CAMTA2: variants seen among roughly 807,000 people sequenced by gnomAD.
The protein encoded by CAMTA2 is calmodulin-binding transcription activator 2.
Under a neutral mutation model 135.7 loss-of-function variants are expected in CAMTA2, and 56 were observed. That is an observed-to-expected ratio of 0.41 (90% CI 0.33 to 0.52). The LOEUF (loss-of-function observed/expected upper bound fraction) is 0.52, where lower values mean the gene tolerates loss of function less well. Ranked by LOEUF, CAMTA2 falls within the 20% of genes least tolerant of loss-of-function variation. The probability of loss-of-function intolerance (pLI) is 0.16; values close to 1 mark genes in which losing one functional copy is unlikely to be tolerated. For synonymous variants in CAMTA2, 591 were observed against 604.6 expected, an observed-to-expected ratio of 0.98 and a Z score of 0.33; for missense variants, 1,358 against 1,553.4, an observed-to-expected ratio of 0.87 and a Z score of 2.11.
At position 4,982,176 on chromosome 17, in the gene CAMTA2, CTGGGG is replaced by C; in HGVS notation, c.340-21_340-17del. 1.3e-6 allele frequency: 2 copies of C among 1,525,214 alleles called. No individual in the cohort carries two copies. Among genetic ancestry groups the C allele is most frequent in the Non-Finnish European group, 1.8e-6 (2 of 1,106,168 alleles). The allele number at this position is 1,525,214 out of a possible 1,614,324, so 94.5% of individuals were successfully genotyped here. A position where few individuals can be genotyped will look rare whatever the true frequency, so the allele number is the denominator to read the frequency against. ...CATAGAGACACTGCCAGGAGACAGG[CTGGGG>C]TGGGGGGAGGGCTAGTCTGCTCCCC... is the stretch of plus-strand genomic sequence containing the variant. On this transcript the variant is annotated splice_polypyrimidine_tract_variant and intron_variant, in intron 5 of 22. Transcript: ENST00000348066.
intron 1 of CAMTA2, 135 bp downstream of exon 1, chr17:4,987,458 G>C (rs1176393187): frequency 6.5e-6 from 9 of 1,386,776 alleles, no homozygotes; most frequent in Non-Finnish European, 8.4e-6. Context: ...CGGGGGAGGA[G>C]GACGGAAGCG....
rs779176282 is a variant in CAMTA2 at position 4,970,567 on chromosome 17, T to G, written c.2809-31A>C. 1.9e-6 allele frequency: 3 copies of G among 1,591,164 alleles called. No individual in the cohort carries two copies. In the East Asian group the frequency reaches 6.7e-5, roughly 36 times the overall value. On this transcript the variant is annotated intron_variant, in intron 16 of 22. Coordinates refer to ENST00000348066, the MANE Select transcript of CAMTA2 (RefSeq NM_015099.4). ...AGAAGGGAGAAGCTGAGTGAGTCCT[T>G]AGGGGCCCCAGCTGCCAGCTGTAAC...
chr17:4,981,780 A>C lies in CAMTA2; in HGVS notation c.463T>G (p.Cys155Gly). ...AAGATGGGGCTGCAGCCCTTTCCACAGTCCTCCAGGGCTGGGACGTTCAGG... is the reference window on the plus strand; with the variant it reads ...AAGATGGGGCTGCAGCCCTTTCCACCGTCCTCCAGGGCTGGGACGTTCAGG... Reference protein sequence around the residue: ...HYLNVPALEDCGKGCSPIFCS... With the variant: ...HYLNVPALEDGGKGCSPIFCS... The change falls in exon 7 of 23, where the codon TGT becomes GGT. Residue 155 changes from cysteine to glycine, a missense_variant. Coordinates refer to ENST00000348066, the MANE Select transcript of CAMTA2 (RefSeq NM_015099.4). 1 of 1,613,340 alleles carries C rather than the reference A, an allele frequency of 6.2e-7. No individual in the cohort carries two copies. The highest frequency in any genetic ancestry group is 1.1e-5 in the South Asian group (1 of 91,006).
intron 10 of CAMTA2, 21 bp from the exon 11 acceptor site, chr17:4,977,213 G>A (rs1042061856): frequency 5.6e-6 from 9 of 1,609,310 alleles, no homozygotes; most frequent in South Asian, 5.5e-5. Context: ...TAGGATCAGC[G>A]AGAAGGGCTC....
Position 4,969,193 on chromosome 17 carries a change from C to A in CAMTA2, c.3427G>T (p.Gly1143Cys). The change falls in exon 21 of 23, where the codon GGC becomes TGC. Residue 1143 changes from glycine (G) to cysteine (C), a missense_variant. Physicochemically the swap from Gly to Cys is radical, Grantham distance 159. Around this residue, in one of 4 missense-constraint regions of CAMTA2, gnomAD observed 167 missense variants for 207.0 expected, o/e 0.81. Transcript: ENST00000348066. The surrounding 1 kb of genome is among the most constrained non-coding windows in gnomAD (Gnocchi z 5.6). ...GTGGCCGAAGTCCGGTGGGGAGGGC[C>A]GGGCCTGCGGCGGTAGGAGCGGTAG... ...QHYRSYRRRP[G>C]PPHRTSATLP... The A allele has an allele frequency of 6.2e-7, 1 of 1,611,318 alleles. No homozygotes were observed. Among genetic ancestry groups the A allele is most frequent in the South Asian group, 1.1e-5 (1 of 90,974 alleles).
Position 4,969,197 on chromosome 17 carries a change from C to T in CAMTA2, c.3423G>A (p.Arg1141=), listed in dbSNP as rs1372637360. The change falls in exon 21 of 23, where the codon AGG becomes AGA. Residue 1141 remains arginine, a synonymous_variant. Coordinates refer to ENST00000348066, the MANE Select transcript of CAMTA2 (RefSeq NM_015099.4). The surrounding 1 kb of genome is among the most constrained non-coding windows in gnomAD (Gnocchi z 5.6). ...CCGAAGTCCGGTGGGGAGGGCCGGGCCTGCGGCGGTAGGAGCGGTAGTGCT... is the reference window on the plus strand; with the variant it reads ...CCGAAGTCCGGTGGGGAGGGCCGGGTCTGCGGCGGTAGGAGCGGTAGTGCT... ...IQQHYRSYRR[R]PGPPHRTSAT... is the part of the protein sequence containing the mutation. 6.2e-7 allele frequency: 1 copy of T among 1,611,708 alleles called. No homozygotes were observed. The highest frequency in any genetic ancestry group is 8.5e-7 in the Non-Finnish European group (1 of 1,179,752).
intron 3 of CAMTA2, among the ~76,000 whole-genome samples, chr17:4,985,013 T>G (rs1445233693): frequency 9.9e-6 from 1 of 101,212 alleles, no homozygotes; most frequent in Non-Finnish European, 2.1e-5. Flanking sequence ...CGAGACTCCA[T>G]CTCAAAAAAA....
intron 17 of CAMTA2, 110 bp downstream of exon 17, chr17:4,970,230 A>G (rs1972193886): frequency 1.4e-6 from 2 of 1,428,484 alleles, no homozygotes; most frequent in Non-Finnish European, 1.9e-6. Context: ...CGCTTCTCCA[A>G]GGCCCTGGGG....
At chr17:4,971,848 C>T (rs923816957) in intron 16 of CAMTA2, among the ~76,000 whole-genome samples, 1 of 152,040 alleles carries the variant, frequency 6.6e-6, no homozygotes, top group Admixed American at 6.5e-5. Context: ...ACCACAGTGC[C>T]CAGTTAATTT....
chr17:4,974,063 G>C (rs16942618), intron 12 of CAMTA2: 1 of 533,282 alleles, frequency 1.9e-6, no homozygotes, highest in Admixed American at 3.4e-5. Context: ...CCTTCTCTGA[G>C]CCTTAGCCCT....
chr17:4,973,702 G>A lies in CAMTA2; in HGVS notation c.2084C>T (p.Ser695Phe), dbSNP rs749025636. ...VVLVESMIPR[S>F]TWKGPERLAH... ...CAGACGTTCAGGACCCTTCCAGGTGGAGCGTGGGATCATGCTTTCTACCAA... is the reference window on the plus strand; with the variant it reads ...CAGACGTTCAGGACCCTTCCAGGTGAAGCGTGGGATCATGCTTTCTACCAA... Residue 695 changes from serine to phenylalanine, a missense_variant, in exon 13 of 23, where the codon TCC becomes TTC. Coordinates refer to ENST00000348066, the MANE Select transcript of CAMTA2 (RefSeq NM_015099.4). 1.2e-6 allele frequency: 2 copies of A among 1,614,202 alleles called. No homozygotes were observed. The highest frequency in any genetic ancestry group is 1.7e-6 in the Non-Finnish European group (2 of 1,180,024).
intron 3 of CAMTA2, 31 bp from the exon 4 acceptor site, chr17:4,983,074 C>T (rs780033141): frequency 1.3e-6 from 2 of 1,585,346 alleles, no homozygotes; most frequent in Non-Finnish European, 1.7e-6. Context: ...AGCTGGGCAT[C>T]TCCTTCACAG....
In CAMTA2 at chr17:4,969,654, C is replaced by T. The variant is rs750642801; in HGVS notation, c.3237G>A (p.Gln1079=). ...CCTGCTTGTACTTCCGGTAACAGCG[C>T]TGGATTACAGCTGCTGCTACCTCCT... ...EQQEVAAAVI[Q]RCYRKYKQLT... The change falls in exon 19 of 23, where the codon CAG becomes CAA. Residue 1079 remains glutamine (Q), a synonymous_variant. Transcript: ENST00000348066. This position sits in a 1 kb window ranked among gnomAD's most constrained non-coding sequence, Gnocchi z 5.6. 9.9e-6 allele frequency: 16 copies of T among 1,614,116 alleles called. No homozygotes were observed. Among genetic ancestry groups the T allele is most frequent in the Admixed American group, 1.7e-5 (1 of 60,026 alleles).
Position 4,979,897 on chromosome 17 carries a change from G to A in CAMTA2, c.1425C>T (p.Pro475=). 6.2e-7 allele frequency: 1 copy of A among 1,613,694 alleles called. No individual in the cohort carries two copies. Among genetic ancestry groups the A allele is most frequent in the Non-Finnish European group, 8.5e-7 (1 of 1,179,804 alleles). ...PPPSPPPSPA[P]LEPSSRVGRG... Reference sequence around the variant, plus strand: ...TTCCTACCCTGCTTGACGGCTCCAAGGGGGCAGGTGAGGGTGGGGGTGAGG... The same window carrying A: ...TTCCTACCCTGCTTGACGGCTCCAAAGGGGCAGGTGAGGGTGGGGGTGAGG... The change falls in exon 9 of 23, where the codon CCC becomes CCT. Residue 475 remains proline (P), a synonymous_variant. Transcript: ENST00000348066.
Position 4,974,239 on chromosome 17 carries a change from G to A in CAMTA2, c.2016+146C>T, listed in dbSNP as rs1266448205. 1.1e-5 allele frequency: 7 copies of A among 632,188 alleles called. No homozygotes were observed. In the East Asian group the frequency reaches 1.7e-4, roughly 15 times the overall value. 39.2% of individuals were successfully genotyped at this position (632,188 alleles called of 1,614,324 possible). A position where few individuals can be genotyped will look rare whatever the true frequency, so the allele number is the denominator to read the frequency against. The stretch of plus-strand genomic sequence containing the variant: ...CACTCTTGCCACAAGGTGGGGATGG[G>A]AACAGGGTGACGTCAGGGAGAGGGA... On this transcript the variant is annotated intron_variant, in intron 12 of 22. Transcript: ENST00000348066.
Position 4,979,877 on chromosome 17 carries a change from ACCC to A in CAMTA2, c.1442_1444del (p.Arg481_Val482delinsIle), listed in dbSNP as rs1427479216. The stretch of plus-strand genomic sequence containing the variant: ...TCCAAACAAGGCCTCTCCTCTTCCT[ACCC>A]TGCTTGACGGCTCCAAGGGGGCAGG... On this transcript the variant is annotated inframe_deletion, in exon 9 of 23. Transcript: ENST00000348066. 2.2e-6 allele frequency: 3 copies of A among 1,357,438 alleles called. No homozygotes were observed. The African/African-American group carries it at 4.9e-5, about 22-fold the overall frequency. The allele number at this position is 1,357,438 out of a possible 1,614,324, so 84.1% of individuals were successfully genotyped here. A position where few individuals can be genotyped will look rare whatever the true frequency, so the allele number is the denominator to read the frequency against.
Position 4,985,864 on chromosome 17 carries a change from A to G in CAMTA2, c.135+16T>C. The G allele has an allele frequency of 7.6e-6, 12 of 1,587,480 alleles. No individual in the cohort carries two copies. The highest frequency in any genetic ancestry group is 1.0e-5 in the Non-Finnish European group (12 of 1,156,206). On this transcript the variant is annotated intron_variant, in intron 3 of 22. Coordinates refer to ENST00000348066, the MANE Select transcript of CAMTA2 (RefSeq NM_015099.4). ...TAGGTCTTGCTGGGCCCCAACCCCC[A>G]GCCTCCCTAGAAAACCTCATTTGTA...
At chr17:4,987,489 A>G (rs926130191) in intron 1 of CAMTA2, 104 bp downstream of exon 1, 81 of 1,405,246 alleles carry the variant, frequency 5.8e-5, no homozygotes, top group Admixed American at 1.4e-4. Flanking sequence ...GCGAACCGGG[A>G]AGAGGGACGG....
chr17:4,975,643 G>A (rs1408435542), intron 11 of CAMTA2, among the ~76,000 whole-genome samples: 2 of 152,160 alleles, frequency 1.3e-5, no homozygotes, highest in East Asian at 3.9e-4. Context: ...CTTTGTGTGG[G>A]GTCCAGCTCC....
Sources: gnomAD v4.1 joint callset for allele counts (sites outside exome capture counted in the v4.1 genomes callset) on GRCh38, gnomAD v4.1.1 for gene constraint, gnomAD v4.1.1 regional missense constraint, Gnocchi (gnomAD v3.1) non-coding constraint, MANE v1.5 for transcripts, NCBI Gene and HGNC (gene_info 2026-07-23, HGNC 2026-07-21) for gene names.